Variants in SGSM1 observed in about 807,000 individuals in gnomAD.
The protein encoded by SGSM1 is small G protein signaling modulator 1, also known as RUN and TBC1 domain containing 2.
A neutral mutation model predicts 133.8 loss-of-function variants in SGSM1; 73 were observed. The observed-to-expected ratio is 0.55, with a 90% CI of 0.45 to 0.66. The LOEUF is 0.66. SGSM1 is among the 30% of genes least tolerant of loss of function. The pLI is 0.00. For missense variants in SGSM1, 1,213 were observed against 1,448.1 expected (o/e 0.84, Z 2.64); for synonymous variants, 563 against 573.0 (o/e 0.98, Z 0.25).
chr22:24,829,901 G>T, intron 2 of SGSM1, among the ~76,000 whole-genome samples: 1 of 152,174 alleles, frequency 6.6e-6, no homozygotes, highest in Non-Finnish European at 1.5e-5. Flanking sequence ...CACTCCCTGG[G>T]ATCTGTCAGC....
intron 17 of SGSM1, 41 bp downstream of exon 17, chr22:24,893,654 A>AG (rs1415866469): frequency 6.6e-7 from 1 of 1,511,532 alleles, no homozygotes; most frequent in Non-Finnish European, 8.8e-7. Flanking sequence ...GGGCTGGGGA[A>AG]GGTCAGGGTC....
chr22:24,912,267 G>A (rs1933655422), intron 21 of SGSM1, among the ~76,000 whole-genome samples: 1 of 152,132 alleles, frequency 6.6e-6, no homozygotes, highest in African/African-American at 2.4e-5. Flanking sequence ...TGTCCGTATT[G>A]GTTCAACAAA....
At position 24,850,431 on chromosome 22, in the gene SGSM1, A is replaced by C; in HGVS notation, c.454A>C (p.Ser152Arg). Residue 152 changes from serine to arginine, a missense_variant and splice_region_variant, in exon 5 of 25, where the codon AGT becomes CGT. By Grantham distance (110) the Ser-to-Arg change is moderately radical (BLOSUM62 -1). Transcript: ENST00000400358. Reference protein sequence around the residue: ...KIVHYLVENSSKYYEKEALLM... With the variant: ...KIVHYLVENSRKYYEKEALLM... ...TGTGCATTACCTTGTGGAAAACAGC[A>C]GGTGAGAGGGAAAGACCTGACACCT... is the stretch of plus-strand genomic sequence containing the variant. 1 of 1,613,870 alleles carries C rather than the reference A, an allele frequency of 6.2e-7. No homozygotes were observed. Among genetic ancestry groups the C allele is most frequent in the Admixed American group, 1.7e-5 (1 of 60,004 alleles).
rs554885870 is a variant in SGSM1, at chr22:24,806,343, G to A, written c.18G>A (p.Ala6=). ...TCGGAGCCATGGCCTCGGCCCCCGC[G>A]GGTAAGAGGCCGCTGGACACGAGGG... MASAP[A]EAETRQRLLR... is the part of the protein sequence containing the mutation. Residue 6 remains alanine (A), a splice_region_variant and synonymous_variant, in exon 1 of 25, where the codon GCG becomes GCA. Coordinates refer to ENST00000400358, the MANE Select transcript of SGSM1 (RefSeq NM_001098497.3). 2 of 1,477,316 alleles carry A rather than the reference G, an allele frequency of 1.4e-6. No individual in the cohort carries two copies. Among genetic ancestry groups the A allele is most frequent in the Admixed American group, 2.6e-5 (1 of 38,706 alleles). 91.5% of individuals were successfully genotyped at this position (1,477,316 alleles called of 1,614,324 possible). A position where few individuals can be genotyped will look rare whatever the true frequency, so the allele number is the denominator to read the frequency against.
intron 4 of SGSM1, among the ~76,000 whole-genome samples, chr22:24,849,029 A>G (rs1176215697): frequency 6.6e-6 from 1 of 152,224 alleles, no homozygotes; most frequent in Non-Finnish European, 1.5e-5. Context: ...TAGATTTGTC[A>G]TGGGCCTTCC....
intron 2 of SGSM1, among the ~76,000 whole-genome samples, chr22:24,821,714 G>T (rs1928479244): frequency 6.6e-6 from 1 of 152,142 alleles, no homozygotes; most frequent in Admixed American, 6.5e-5. Context: ...TGTGAGGAAA[G>T]GACATTGCTT....
At chr22:24,874,684 T>A in intron 12 of SGSM1, 1 of 1,406,480 alleles carries the variant, frequency 7.1e-7, no homozygotes. Context: ...GGAAGGGAGA[T>A]GGAGGCAGAG....
chr22:24,852,720 A>T (rs1350819289), intron 5 of SGSM1, among the ~76,000 whole-genome samples: 1 of 152,162 alleles, frequency 6.6e-6, no homozygotes, highest in Non-Finnish European at 1.5e-5. Context: ...TGGGATTACA[A>T]GCATGAGCCA....
At chr22:24,806,611 T>C in intron 2 of SGSM1, 127 bp downstream of exon 2, 2 of 1,158,668 alleles carry the variant, frequency 1.7e-6, no homozygotes, top group Non-Finnish European at 2.3e-6. Context: ...GGGGCTCACC[T>C]GGGTGGGCAT....
chr22:24,813,146 G>A (rs1289107250), intron 2 of SGSM1, among the ~76,000 whole-genome samples: 1 of 152,210 alleles, frequency 6.6e-6, no homozygotes, highest in African/African-American at 2.4e-5. Flanking sequence ...AGAGGGAATA[G>A]CGTATGCAGA....
At chr22:24,831,711 C>G (rs1929129667) in intron 2 of SGSM1, among the ~76,000 whole-genome samples, 1 of 152,238 alleles carries the variant, frequency 6.6e-6, no homozygotes. Flanking sequence ...ATCCTTTGAA[C>G]ACACAGGCCC....
intron 2 of SGSM1, among the ~76,000 whole-genome samples, chr22:24,806,854 C>T (rs767264044): frequency 1.3e-5 from 2 of 151,980 alleles, no homozygotes; most frequent in African/African-American, 2.4e-5. Context: ...GGACGCCCCC[C>T]ACAGGGTGTG....
intron 2 of SGSM1, among the ~76,000 whole-genome samples, chr22:24,810,529 C>T (rs1452542711): frequency 5.9e-5 from 9 of 152,162 alleles, no homozygotes; most frequent in Non-Finnish European, 1.0e-4. Flanking sequence ...TTCCCGTTGC[C>T]ATAACAACTG....
intron 2 of SGSM1, among the ~76,000 whole-genome samples, chr22:24,814,802 G>A (rs1423673158): frequency 6.6e-6 from 1 of 152,220 alleles, no homozygotes; most frequent in Admixed American, 6.5e-5. Flanking sequence ...CAGTGCTGTG[G>A]AATTTAGTCA....
rs189711913 is a variant in SGSM1 at position 24,924,596 on chromosome 22, T to G, written c.*322T>G. The G allele has an allele frequency of 1.1e-4, 40 of 375,842 alleles. No homozygotes were observed. The highest frequency in any genetic ancestry group is 1.5e-4 in the Non-Finnish European group (31 of 201,206). The allele number at this position is 375,842 out of a possible 1,614,324, so 23.3% of individuals were successfully genotyped here. On this transcript the variant is annotated 3_prime_UTR_variant, in exon 25 of 25. Coordinates refer to ENST00000400358, the MANE Select transcript of SGSM1 (RefSeq NM_001098497.3). ...GGTGCCCGGAATGGTCTCCTCTTCT[T>G]CTTTCCCTATCCCTCCAAACTGTCT...
At position 24,806,425 on chromosome 22, in the gene SGSM1, G is replaced by C. The variant is rs1275100131; in HGVS notation, c.20-16G>C. 6.6e-7 allele frequency: 1 copy of C among 1,522,676 alleles called. No homozygotes were observed. The highest frequency in any genetic ancestry group is 8.8e-7 in the Non-Finnish European group (1 of 1,134,878). The allele number at this position is 1,522,676 out of a possible 1,614,324, so 94.3% of individuals were successfully genotyped here. A position where few individuals can be genotyped will look rare whatever the true frequency, so the allele number is the denominator to read the frequency against. On this transcript the variant is annotated splice_polypyrimidine_tract_variant and intron_variant, in intron 1 of 24. Coordinates refer to ENST00000400358, the MANE Select transcript of SGSM1 (RefSeq NM_001098497.3). ...CTCTCTCGGCTGACCCGCGGCTCTC[G>C]TTTCTTGTCCCACAGAGGCGGAGAC...
intron 2 of SGSM1, among the ~76,000 whole-genome samples, chr22:24,836,517 A>G (rs1929436762): frequency 6.6e-6 from 1 of 152,208 alleles, no homozygotes; most frequent in Non-Finnish European, 1.5e-5. Flanking sequence ...TAATCTTTTG[A>G]AGAACCACCA....
At chr22:24,832,350 G>A (rs1929166787) in intron 2 of SGSM1, among the ~76,000 whole-genome samples, 1 of 152,218 alleles carries the variant, frequency 6.6e-6, no homozygotes, top group South Asian at 2.1e-4. Flanking sequence ...AGATAAGAGG[G>A]TTAGTGTTAT....
chr22:24,859,582 A>G (rs1643852296), intron 8 of SGSM1, 134 bp from the exon 9 acceptor site: 2 of 1,260,274 alleles, frequency 1.6e-6, no homozygotes, highest in African/African-American at 1.5e-5. Flanking sequence ...AGAGTCTTCC[A>G]CATGGCCAGG....
Sources: gnomAD v4.1 joint callset for allele counts (sites outside exome capture counted in the v4.1 genomes callset) on GRCh38, gnomAD v4.1.1 for gene constraint, MANE v1.5 for transcripts, NCBI Gene and HGNC (gene_info 2026-07-23, HGNC 2026-07-21) for gene names.